RET: variants seen among roughly 807,000 people sequenced by gnomAD.
RET encodes the protein proto-oncogene tyrosine-protein kinase receptor Ret.
In RET, 19 loss-of-function variants were observed where a neutral mutation model predicts 118.3. The ratio of observed to expected loss-of-function variants is 0.16; its 90% CI spans 0.11 to 0.24. RET has a LOEUF of 0.24. RET is among the 10% of genes least tolerant of loss of function. The pLI is 1.00. For synonymous variants in RET, 597 were observed against 644.1 expected, an observed-to-expected ratio of 0.93 and a Z score of 1.11; for missense variants, 1,219 against 1,502.1, an observed-to-expected ratio of 0.81 and a Z score of 3.12.
At chr10:43,104,873 A>T in intron 3 of RET, 79 bp from the exon 4 acceptor site, 2 of 1,497,994 alleles carry the variant, frequency 1.3e-6, no homozygotes, top group Non-Finnish European at 1.8e-6. Flanking sequence ...CTCTGACCGC[A>T]GAGCCCCCTT....
chr10:43,114,359 C>A lies in RET; in HGVS notation c.1880-121C>A. ...CTCAGGCCTTCCCACACCTCCATGG[C>A]CACTTCCCAGCTGGCGCGGACACGG... is the stretch of plus-strand genomic sequence containing the variant. On this transcript the variant is annotated intron_variant, in intron 10 of 19. Coordinates refer to ENST00000355710, the MANE Select transcript of RET (RefSeq NM_020975.6). The surrounding 1 kb of genome is among the most constrained non-coding windows in gnomAD (Gnocchi z 4.6). The A allele has an allele frequency of 1.4e-6, 2 of 1,390,526 alleles. No individual in the cohort carries two copies. Among genetic ancestry groups the A allele is most frequent in the Non-Finnish European group, 9.9e-7 (1 of 1,010,972 alleles). 86.1% of individuals were successfully genotyped at this position (1,390,526 alleles called of 1,614,324 possible).
chr10:43,083,642 G>A (rs1348662743), intron 1 of RET, among the ~76,000 whole-genome samples: 8 of 152,202 alleles, frequency 5.3e-5, no homozygotes, highest in Admixed American at 6.5e-5. Flanking sequence ...ATGGGGGCAC[G>A]CAGGGGTGTA....
intron 1 of RET, among the ~76,000 whole-genome samples, chr10:43,082,408 C>A (rs911384216): frequency 6.6e-5 from 10 of 152,248 alleles, no homozygotes; most frequent in African/African-American, 2.4e-4. Context: ...ACAGAAAGGT[C>A]ACCGCTGCAC....
chr10:43,101,249 G>T (rs557598835), intron 2 of RET, among the ~76,000 whole-genome samples: 3 of 152,068 alleles, frequency 2.0e-5, no homozygotes, highest in Admixed American at 6.5e-5. Context: ...TGGGAGGGGT[G>T]GGGGGGAAGC....
In RET at chr10:43,077,115, A is replaced by G; in HGVS notation, c.-144A>G. The G allele has an allele frequency of 1.7e-6, 2 of 1,179,818 alleles. No individual in the cohort carries two copies. The highest frequency in any genetic ancestry group is 2.2e-6 in the Non-Finnish European group (2 of 924,662). The allele number at this position is 1,179,818 out of a possible 1,614,324, so 73.1% of individuals were successfully genotyped here. ...CGCGCAGCAGCGCTGAGTGCCCCGG[A>G]ACGTGCGTCGCGCCCCCAGTGTCCG... On this transcript the variant is annotated 5_prime_UTR_variant, in exon 1 of 20. Transcript: ENST00000355710.
At chr10:43,093,903 G>C (rs891934623) in intron 1 of RET, among the ~76,000 whole-genome samples, 11 of 152,166 alleles carry the variant, frequency 7.2e-5, no homozygotes, top group South Asian at 4.1e-4. Context: ...TCCTGCTGGT[G>C]GGGGTGGGAC....
intron 5 of RET, among the ~76,000 whole-genome samples, chr10:43,107,450 G>A (rs1837807690): frequency 6.6e-6 from 1 of 152,078 alleles, no homozygotes; most frequent in Non-Finnish European, 1.5e-5. Flanking sequence ...GTCTGCTGGA[G>A]GTTCCTGCAG....
At chr10:43,105,219 T>C in intron 4 of RET, 26 bp downstream of exon 4, 1 of 1,612,336 alleles carries the variant, frequency 6.2e-7, no homozygotes, top group South Asian at 1.1e-5. Context: ...TGCTGTGGTC[T>C]ACCCAGTGTC....
At chr10:43,091,235 G>T (rs931110681) in intron 1 of RET, among the ~76,000 whole-genome samples, 3 of 152,108 alleles carry the variant, frequency 2.0e-5, no homozygotes, top group African/African-American at 7.2e-5. Context: ...CCATGGAATG[G>T]GAGAAAAACT....
chr10:43,098,133 C>T (rs576745031), intron 1 of RET, among the ~76,000 whole-genome samples: 17 of 152,144 alleles, frequency 1.1e-4, no homozygotes, highest in Non-Finnish European at 2.5e-4. Flanking sequence ...GTATACATTT[C>T]AGGGACATTA....
intron 1 of RET, among the ~76,000 whole-genome samples, chr10:43,088,223 TGGA>T (rs1389165171): frequency 1.3e-5 from 2 of 150,166 alleles, no homozygotes; most frequent in African/African-American, 5.0e-5. Flanking sequence ...ATGGTGGTGG[TGGA>T]GGCAATGGTG....
intron 1 of RET, among the ~76,000 whole-genome samples, chr10:43,096,059 C>T (rs1837517374): frequency 6.6e-6 from 1 of 152,230 alleles, no homozygotes; most frequent in Admixed American, 6.5e-5. Context: ...GCCCTGGCAA[C>T]CAAAGCTGTC....
chr10:43,122,312 C>G (rs560137569), intron 16 of RET, among the ~76,000 whole-genome samples: 2 of 152,212 alleles, frequency 1.3e-5, no homozygotes, highest in Non-Finnish European at 2.9e-5. Flanking sequence ...CCATGCCTCC[C>G]TCTGGGTCCC....
At chr10:43,119,418 C>G in intron 13 of RET, 113 bp from the exon 14 acceptor site, 1 of 791,312 alleles carries the variant, frequency 1.3e-6, no homozygotes, top group South Asian at 1.6e-5. Context: ...TGTGTCCACC[C>G]CCTTACTCAT....
In RET at chr10:43,077,273, G is replaced by A. The variant is rs1226499208; in HGVS notation, c.15G>A (p.Thr5=). The change falls in exon 1 of 20, where the codon ACG becomes ACA. Residue 5 remains threonine, a synonymous_variant. Transcript: ENST00000355710. ...GCGCACGGGCGATGGCGAAGGCGAC[G>A]TCCGGTGCCGCGGGGCTGCGTCTGC... is the stretch of plus-strand genomic sequence containing the variant. MAKA[T]SGAAGLRLLL... The A allele has an allele frequency of 6.6e-7, 1 of 1,506,454 alleles. No homozygotes were observed. Among genetic ancestry groups the A allele is most frequent in the Admixed American group, 2.1e-5 (1 of 48,162 alleles). The allele number at this position is 1,506,454 out of a possible 1,614,324, so 93.3% of individuals were successfully genotyped here.
rs1407916456 is a variant in RET at position 43,129,262 on chromosome 10, C to G, written c.*993C>G. ...CTCACTTTAATTTGAATCTTATCAACTTACTCATAAAGGGACAGGCTAGCT... is the reference window on the plus strand; with the variant it reads ...CTCACTTTAATTTGAATCTTATCAAGTTACTCATAAAGGGACAGGCTAGCT... On this transcript the variant is annotated 3_prime_UTR_variant, in exon 20 of 20. Coordinates refer to ENST00000355710, the MANE Select transcript of RET (RefSeq NM_020975.6). 4.3e-6 allele frequency: 1 copy of G among 233,504 alleles called. No individual in the cohort carries two copies. Among genetic ancestry groups the G allele is most frequent in the East Asian group, 6.0e-5 (1 of 16,602 alleles). The allele number at this position is 233,504 out of a possible 1,614,324, so 14.5% of individuals were successfully genotyped here.
chr10:43,113,557 G>A lies in RET; in HGVS notation c.1761G>A (p.Arg587=), dbSNP rs1291641320. 5 of 1,606,476 alleles carry A rather than the reference G, an allele frequency of 3.1e-6. No homozygotes were observed. Among genetic ancestry groups the A allele is most frequent in the South Asian group, 2.2e-5 (2 of 89,996 alleles). The change falls in exon 10 of 20, where the codon CGG becomes CGA. Residue 587 remains arginine, a splice_region_variant and synonymous_variant. Coordinates refer to ENST00000355710, the MANE Select transcript of RET (RefSeq NM_020975.6). The part of the protein sequence containing the change: ...DINICPQDCL[R]GSIVGGHEPG... Reference sequence around the variant, plus strand: ...TGAGTGGGCTACGTCTGCCCTCAGGGGGCAGCATTGTTGGGGGACACGAGC... The same window carrying A: ...TGAGTGGGCTACGTCTGCCCTCAGGAGGCAGCATTGTTGGGGGACACGAGC...
intron 5 of RET, among the ~76,000 whole-genome samples, chr10:43,107,232 T>C (rs1837802013): frequency 6.6e-6 from 1 of 152,192 alleles, no homozygotes; most frequent in African/African-American, 2.4e-5. Flanking sequence ...GGCCTGGTCC[T>C]GTTCATTCCT....
At chr10:43,108,170 A>G (rs1837828147) in intron 5 of RET, among the ~76,000 whole-genome samples, 1 of 150,158 alleles carries the variant, frequency 6.7e-6, no homozygotes, top group African/African-American at 2.5e-5. Context: ...ACATGGTGAA[A>G]CCCTGTCTCT....
Sources: gnomAD v4.1 joint callset for allele counts (sites outside exome capture counted in the v4.1 genomes callset) on GRCh38, gnomAD v4.1.1 for gene constraint, Gnocchi (gnomAD v3.1) non-coding constraint, MANE v1.5 for transcripts, NCBI Gene and HGNC (gene_info 2026-07-23, HGNC 2026-07-21) for gene names.